Variants in ABCA3 observed in about 807,000 individuals in gnomAD.
ABCA3 encodes ATP binding cassette subfamily A member 3, also known as phospholipid-transporting ATPase ABCA3.
In ABCA3, 88 loss-of-function variants were observed where a neutral mutation model predicts 172.8. The observed-to-expected ratio is 0.51, with a 90% CI of 0.43 to 0.61. The LOEUF (loss-of-function observed/expected upper bound fraction) is 0.61. ABCA3 is among the 20% of genes least tolerant of loss of function. The pLI, the probability that ABCA3 is intolerant of heterozygous loss-of-function variation, is 0.00. For missense variants in ABCA3, 2,164 were observed against 2,301.0 expected, an observed-to-expected ratio of 0.94 and a Z score of 1.22; for synonymous variants, 1,066 against 983.8, an observed-to-expected ratio of 1.08 and a Z score of -1.56.
intron 12 of ABCA3, among the ~76,000 whole-genome samples, 184 bp downstream of exon 12, chr16:2,303,781 TTCTC>T (rs918051451): frequency 2.0e-5 from 3 of 152,014 alleles, no homozygotes; most frequent in African/African-American, 7.2e-5. Context: ...TGGAGGGTCT[TTCTC>T]TCTCTGAACC....
At chr16:2,317,496 A>G in intron 9 of ABCA3, 93 bp from the exon 10 acceptor site, 1 of 1,598,890 alleles carries the variant, frequency 6.3e-7, no homozygotes, top group Non-Finnish European at 8.5e-7. Context: ...ACGCGGCTCC[A>G]CCGAGAGGAG....
Position 2,328,711 on chromosome 16 carries a change from C to A in ABCA3, c.-285G>T. 2.8e-6 allele frequency: 1 copy of A among 358,728 alleles called. No homozygotes were observed. Among genetic ancestry groups the A allele is most frequent in the African/African-American group, 2.1e-5 (1 of 47,292 alleles). The allele number at this position is 358,728 out of a possible 1,614,324, so 22.2% of individuals were successfully genotyped here. ...CATGTGCGGAAAAGCCTCCTTGACTCACAGTGGAAGAGTTTCAGGTTCAGT... is the reference window on the plus strand; with the variant it reads ...CATGTGCGGAAAAGCCTCCTTGACTAACAGTGGAAGAGTTTCAGGTTCAGT... On this transcript the variant is annotated 5_prime_UTR_variant, in exon 3 of 33. Transcript: ENST00000301732.
intron 1 of ABCA3, chr16:2,339,002 C>A (rs1028656949): frequency 6.6e-6 from 1 of 152,170 alleles, no homozygotes; most frequent in Non-Finnish European, 1.5e-5. Context: ...GTGATCCGCC[C>A]GCCTCTGCCT....
intron 8 of ABCA3, 148 bp downstream of exon 8, chr16:2,319,433 C>T (rs536156061): frequency 3.8e-5 from 43 of 1,137,066 alleles, no homozygotes; most frequent in Admixed American, 2.5e-4. Flanking sequence ...TGCAGTGAGC[C>T]GAGATCGCAC....
At chr16:2,308,711 C>A (rs1239051629) in intron 10 of ABCA3, 88 bp from the exon 11 acceptor site, 29 of 1,520,794 alleles carry the variant, frequency 1.9e-5, no homozygotes, top group Non-Finnish European at 2.2e-5. Context: ...ACCCCCTACT[C>A]CTGGGGCCGA....
intron 7 of ABCA3, among the ~76,000 whole-genome samples, chr16:2,322,250 G>A (rs767275422): frequency 1.6e-4 from 25 of 151,544 alleles, no homozygotes; most frequent in Admixed American, 6.6e-4. Flanking sequence ...TCAAGAGCAC[G>A]TCTTCCAGGA....
intron 18 of ABCA3, among the ~76,000 whole-genome samples, chr16:2,293,197 G>A (rs923879131): frequency 1.1e-4 from 17 of 151,316 alleles, no homozygotes; most frequent in African/African-American, 2.2e-4. Context: ...GACTATAGGC[G>A]CCCGCCACCA....
chr16:2,278,391 C>A lies in ABCA3; in HGVS notation c.4615G>T (p.Asp1539Tyr), dbSNP rs754474859. Residue 1539 changes from aspartate (D) to tyrosine (Y), a missense_variant, in exon 30 of 33, where the codon GAC (aspartate) becomes TAC (tyrosine). Asp to Tyr is a radical substitution (Grantham distance 160). This residue lies in a region of ABCA3 where 795 missense variants were observed against 881.9 expected (regional missense o/e 0.90). Coordinates refer to ENST00000301732, the MANE Select transcript of ABCA3 (RefSeq NM_001089.3). The surrounding 1 kb of genome is among the most constrained non-coding windows in gnomAD (Gnocchi z 4.4). ...GGGTCCATGCCAGTGGACGGCTCGTCCAGGAAGATGACAGCAGGCTCTCCG... is the reference window on the plus strand; with the variant it reads ...GGGTCCATGCCAGTGGACGGCTCGTACAGGAAGATGACAGCAGGCTCTCCG... ...LIGEPAVIFL[D>Y]EPSTGMDPVA... is the part of the protein sequence containing the mutation. The A allele has an allele frequency of 1.2e-6, 2 of 1,612,662 alleles. No individual in the cohort carries two copies. Among genetic ancestry groups the A allele is most frequent in the Non-Finnish European group, 1.7e-6 (2 of 1,179,966 alleles).
chr16:2,285,539 T>C lies in ABCA3; in HGVS notation c.3386A>G (p.His1129Arg), dbSNP rs1446080254. Residue 1129 changes from histidine to arginine, a missense_variant, in exon 23 of 33, where the codon CAT becomes CGT. Physicochemically the swap from His to Arg is conservative, Grantham distance 29 (BLOSUM62 0). This residue lies in a region of ABCA3 where 795 missense variants were observed against 881.9 expected (regional missense o/e 0.90). Transcript: ENST00000301732. This position sits in a 1 kb window ranked among gnomAD's most constrained non-coding sequence, Gnocchi z 4.7. ...AVSERAVQAK[H>R]VQFVSGVHVA... ...GTGGACTCCACTCACAAACTGCACA[T>C]GCTTGGCCTGCACGGCCCTCTCGCT... The C allele has an allele frequency of 1.7e-5, 27 of 1,600,984 alleles. No homozygotes were observed. The highest frequency in any genetic ancestry group is 2.3e-5 in the East Asian group (1 of 44,338).
intron 1 of ABCA3, among the ~76,000 whole-genome samples, chr16:2,331,112 C>A (rs781713495): frequency 2.0e-5 from 3 of 152,204 alleles, no homozygotes; most frequent in Admixed American, 6.5e-5. Context: ...CAACTTCCAA[C>A]TTCATACAAG....
chr16:2,299,569 A>G, intron 13 of ABCA3, 37 bp from the exon 14 acceptor site: 2 of 1,609,854 alleles, frequency 1.2e-6, no homozygotes, highest in East Asian at 2.2e-5. Context: ...GGCTACCCAC[A>G]GCCCCGAGGC....
chr16:2,295,869 C>T, intron 17 of ABCA3, 129 bp from the exon 18 acceptor site: 1 of 1,274,854 alleles, frequency 7.8e-7, no homozygotes, highest in Non-Finnish European at 1.1e-6. Context: ...AGGTGGGCAG[C>T]TGAAGCAGAA....
At chr16:2,311,218 T>C (rs531388378) in intron 10 of ABCA3, among the ~76,000 whole-genome samples, 3 of 151,536 alleles carry the variant, frequency 2.0e-5, no homozygotes, top group African/African-American at 7.3e-5. Context: ...GTGATCCGCC[T>C]GCCTCGGCCT....
chr16:2,276,232 G>A lies in ABCA3; in HGVS notation c.*442C>T. On this transcript the variant is annotated 3_prime_UTR_variant, in exon 33 of 33. Transcript: ENST00000301732. ...CTGCATGGTCCATTCCTGGCGGCCT[G>A]GGGGCCTCGCTACAGTTCAACCTGG... is the stretch of plus-strand genomic sequence containing the variant. 2.2e-6 allele frequency: 1 copy of A among 446,466 alleles called. No individual in the cohort carries two copies. The highest frequency in any genetic ancestry group is 4.5e-6 in the Non-Finnish European group (1 of 221,204). 27.7% of individuals were successfully genotyped at this position (446,466 alleles called of 1,614,324 possible).
intron 1 of ABCA3, among the ~76,000 whole-genome samples, chr16:2,337,078 ATTT>A (rs879431925): frequency 1.5e-5 from 2 of 130,058 alleles, no homozygotes; most frequent in Non-Finnish European, 1.7e-5. Flanking sequence ...ATACCTGGCT[ATTT>A]TTTTTTTTTT....
chr16:2,330,731 C>T (rs1426041967), intron 1 of ABCA3, among the ~76,000 whole-genome samples: 1 of 131,514 alleles, frequency 7.6e-6, no homozygotes, highest in Non-Finnish European at 1.6e-5. Flanking sequence ...CGGAGTCTTA[C>T]TCTGTCTCCC....
At position 2,283,103 on chromosome 16, in the gene ABCA3, T is replaced by C; in HGVS notation, c.4035+83A>G. On this transcript the variant is annotated intron_variant, in intron 26 of 32. Coordinates refer to ENST00000301732, the MANE Select transcript of ABCA3 (RefSeq NM_001089.3). The surrounding 1 kb of genome is among the most constrained non-coding windows in gnomAD (Gnocchi z 5.4). ...AGGAGCTGCCTGGTGGAGAAGGAGG[T>C]GGAGCTGCCCCAGGTTGTGCTGGGC... 6.9e-7 allele frequency: 1 copy of C among 1,442,114 alleles called. No homozygotes were observed. The highest frequency in any genetic ancestry group is 9.5e-7 in the Non-Finnish European group (1 of 1,049,724). The allele number at this position is 1,442,114 out of a possible 1,614,324, so 89.3% of individuals were successfully genotyped here. A position where few individuals can be genotyped will look rare whatever the true frequency, so the allele number is the denominator to read the frequency against.
intron 10 of ABCA3, among the ~76,000 whole-genome samples, chr16:2,310,427 A>AAAAC (rs143630880): frequency 3.3e-5 from 5 of 150,826 alleles, no homozygotes; most frequent in African/African-American, 9.8e-5. Context: ...AACAAACAAA[A>AAAAC]AAACAAACAA....
At position 2,276,341 on chromosome 16, in the gene ABCA3, C is replaced by T. The variant is rs2093646335; in HGVS notation, c.*333G>A. The T allele has an allele frequency of 4.0e-6, 2 of 496,566 alleles. No homozygotes were observed. Among genetic ancestry groups the T allele is most frequent in the African/African-American group, 3.9e-5 (2 of 51,692 alleles). 30.8% of individuals were successfully genotyped at this position (496,566 alleles called of 1,614,324 possible). On this transcript the variant is annotated 3_prime_UTR_variant, in exon 33 of 33. Transcript: ENST00000301732. Reference sequence around the variant, plus strand: ...ACTGGGTCCTCTCTCCAGGGAGTGCCTGGAGAAATTCAACCCCCAGCTCAG... The same window carrying T: ...ACTGGGTCCTCTCTCCAGGGAGTGCTTGGAGAAATTCAACCCCCAGCTCAG...
Sources: allele counts gnomAD v4.1 joint callset (sites outside exome capture counted in the v4.1 genomes callset), GRCh38; gene constraint gnomAD v4.1.1; regional missense constraint gnomAD v4.1.1; non-coding constraint Gnocchi (gnomAD v3.1); transcripts MANE v1.5; gene names NCBI Gene and HGNC (gene_info 2026-07-23, HGNC 2026-07-21).